Variants in MAP1B observed in about 807,000 individuals in gnomAD.
The protein encoded by MAP1B is microtubule associated protein 1B, also known as microtubule-associated protein 1B.
Under a neutral mutation model 176.1 loss-of-function variants are expected in MAP1B, and 12 were observed. The ratio of observed to expected loss-of-function variants is 0.07; its 90% confidence interval spans 0.04 to 0.11. MAP1B has a LOEUF of 0.11. Among genes scored for constraint, MAP1B ranks in the 10% least tolerant of loss-of-function variants. The pLI is 1.00. For missense variants in MAP1B, 2,523 were observed against 2,990.5 expected (o/e 0.84, Z 3.65); for synonymous variants, 1,044 against 1,135.0 (o/e 0.92, Z 1.61).
intron 2 of MAP1B, among the ~76,000 whole-genome samples, chr5:72,142,310 T>C (rs1745961695): frequency 6.6e-6 from 1 of 152,170 alleles, no homozygotes; most frequent in African/African-American, 2.4e-5. Context: ...GACTGGATTG[T>C]GCTATGGGAT....
intron 2 of MAP1B, among the ~76,000 whole-genome samples, chr5:72,183,322 G>T (rs1016066262): frequency 3.3e-5 from 5 of 152,142 alleles, no homozygotes; most frequent in African/African-American, 1.2e-4. Flanking sequence ...TCACAATAAG[G>T]CTCCTAATTA....
chr5:72,140,917 C>T (rs778941012), intron 2 of MAP1B, among the ~76,000 whole-genome samples: 9 of 152,176 alleles, frequency 5.9e-5, no homozygotes, highest in African/African-American at 9.7e-5. Flanking sequence ...AAAGGATCAC[C>T]GCCCAATAAA....
chr5:72,136,396 C>G (rs60857686), intron 2 of MAP1B, among the ~76,000 whole-genome samples: 4,378 of 152,230 alleles, frequency 0.029, 153 homozygotes, highest in African/African-American at 0.088. Context: ...GCCAGATACT[C>G]TTTTCCTGGG....
intron 2 of MAP1B, among the ~76,000 whole-genome samples, chr5:72,116,884 T>C (rs1306552862): frequency 6.6e-6 from 1 of 152,194 alleles, no homozygotes; most frequent in Admixed American, 6.5e-5. Flanking sequence ...TGTATATACA[T>C]TGATATTTGA....
In MAP1B at chr5:72,198,740, A is replaced by C. The variant is rs1747247567; in HGVS notation, c.5385A>C (p.Leu1795Phe). The C allele has an allele frequency of 1.9e-6, 3 of 1,614,026 alleles. No homozygotes were observed. The highest frequency in any genetic ancestry group is 2.5e-6 in the Non-Finnish European group (3 of 1,180,040). Residue 1795 changes from leucine to phenylalanine, a missense_variant, in exon 5 of 7, where the codon TTA (leucine) becomes TTC (phenylalanine). By Grantham distance (22) the Leu-to-Phe change is conservative. This residue lies in a region of MAP1B where 1,925 missense variants were observed against 2,126.0 expected (regional missense o/e 0.91). Coordinates refer to ENST00000296755, the MANE Select transcript of MAP1B (RefSeq NM_005909.5). ...TCACCCCACGAGAGTCCTCTCCTTT[A>C]TATTCACCTACTTTTTCAGATTCTA... ...SPLTPRESSP[L>F]YSPTFSDSTS...
At chr5:72,163,916 C>CTTTTTTTTTTTTTTT (rs796802217) in intron 2 of MAP1B, among the ~76,000 whole-genome samples, 2 of 97,102 alleles carry the variant, frequency 2.1e-5, no homozygotes, top group Non-Finnish European at 1.9e-5. Flanking sequence ...CTCTCTCTCT[C>CTTTTTTTTTTTTTTT]TTTTTTTTTT....
chr5:72,197,535 G>C lies in MAP1B; in HGVS notation c.4180G>C (p.Val1394Leu), dbSNP rs773247398. Residue 1394 changes from valine to leucine, a missense_variant, in exon 5 of 7, where the codon GTT becomes CTT. Val to Leu is a conservative substitution (Grantham distance 32). Coordinates refer to ENST00000296755, the MANE Select transcript of MAP1B (RefSeq NM_005909.5). ...TGACTCAGAGTCTCCTATTGAAAAAGTTTTGTCTCCTTTACGCAGCCCGCC... is the reference window on the plus strand; with the variant it reads ...TGACTCAGAGTCTCCTATTGAAAAACTTTTGTCTCCTTTACGCAGCCCGCC... ...VPDSESPIEK[V>L]LSPLRSPPLI... 1 of 1,614,160 alleles carries C rather than the reference G, an allele frequency of 6.2e-7. No homozygotes were observed. The highest frequency in any genetic ancestry group is 1.1e-5 in the South Asian group (1 of 91,084).
chr5:72,195,837 T>A lies in MAP1B; in HGVS notation c.2482T>A (p.Ser828Thr). ...TGCCAAAGAACTCGAAGCTGAGAGG[T>A]CCCTTATGTCATCTCCTGAGGATCT... ...GPAKELEAER[S>T]LMSSPEDLTK... The change falls in exon 5 of 7, where the codon TCC (serine) becomes ACC (threonine). Residue 828 changes from serine (S) to threonine (T), a missense_variant. Physicochemically the swap from Ser to Thr is moderately conservative, Grantham distance 58. Transcript: ENST00000296755. 1 of 1,614,104 alleles carries A rather than the reference T, an allele frequency of 6.2e-7. No homozygotes were observed. The highest frequency in any genetic ancestry group is 8.5e-7 in the Non-Finnish European group (1 of 1,180,020).
chr5:72,130,046 C>A (rs913440930), intron 2 of MAP1B, among the ~76,000 whole-genome samples: 1 of 151,838 alleles, frequency 6.6e-6, no homozygotes, highest in Non-Finnish European at 1.5e-5. Flanking sequence ...AGTCCTTTAG[C>A]CAGCAAATGG....
In MAP1B at chr5:72,196,802, T is replaced by C. The variant is rs1747181218; in HGVS notation, c.3447T>C (p.Asn1149=). Residue 1149 remains asparagine, a synonymous_variant, in exon 5 of 7, where the codon AAT becomes AAC. Transcript: ENST00000296755. This position sits in a 1 kb window ranked among gnomAD's most constrained non-coding sequence, Gnocchi z 5.3. The stretch of plus-strand genomic sequence containing the variant: ...ACGTGATGAGTGATGAGACCAACAA[T>C]GAAGAGACGGAGTCCCCTTCTCAGG... ...PRDVMSDETN[N]EETESPSQEF... is the part of the protein sequence containing the mutation. The C allele has an allele frequency of 6.2e-7, 1 of 1,614,056 alleles. No homozygotes were observed. Among genetic ancestry groups the C allele is most frequent in the Non-Finnish European group, 8.5e-7 (1 of 1,179,986 alleles).
At chr5:72,135,450 G>C (rs1429714461) in intron 2 of MAP1B, among the ~76,000 whole-genome samples, 1 of 152,132 alleles carries the variant, frequency 6.6e-6, no homozygotes, top group Non-Finnish European at 1.5e-5. Flanking sequence ...TGCAAGTACA[G>C]GTCAGGTAGC....
At chr5:72,190,523 G>A (rs1384724804) in intron 4 of MAP1B, among the ~76,000 whole-genome samples, 1 of 152,138 alleles carries the variant, frequency 6.6e-6, no homozygotes, top group Non-Finnish European at 1.5e-5. Flanking sequence ...AATTGACTTA[G>A]CCACCATCAT....
At chr5:72,172,297 C>T (rs1394412230) in intron 2 of MAP1B, among the ~76,000 whole-genome samples, 3 of 152,176 alleles carry the variant, frequency 2.0e-5, no homozygotes, top group East Asian at 3.8e-4. Context: ...TTGTCCCCCT[C>T]GCAGTTTTAC....
chr5:72,168,011 G>A (rs184384332), intron 2 of MAP1B, among the ~76,000 whole-genome samples: 19 of 152,378 alleles, frequency 1.2e-4, no homozygotes, highest in Non-Finnish European at 2.2e-4. Context: ...GCTGACGCAC[G>A]GAAAGCACTG....
chr5:72,108,927 C>T (rs1745234916), intron 1 of MAP1B, among the ~76,000 whole-genome samples: 1 of 152,236 alleles, frequency 6.6e-6, no homozygotes, highest in African/African-American at 2.4e-5. Context: ...CTCTATTCTC[C>T]TGGGGTGGTG....
At chr5:72,166,717 A>C (rs1259581219) in intron 2 of MAP1B, among the ~76,000 whole-genome samples, 1 of 152,200 alleles carries the variant, frequency 6.6e-6, no homozygotes, top group Non-Finnish European at 1.5e-5. Context: ...GAGGATGTGT[A>C]AAGGGAAATG....
chr5:72,176,495 G>A (rs1746656857), intron 2 of MAP1B, among the ~76,000 whole-genome samples: 1 of 152,132 alleles, frequency 6.6e-6, no homozygotes, highest in Non-Finnish European at 1.5e-5. Flanking sequence ...GATAATATTT[G>A]CCCCACTACT....
intron 5 of MAP1B, 27 bp downstream of exon 5, chr5:72,200,394 T>TA: frequency 6.2e-7 from 1 of 1,603,864 alleles, no homozygotes; most frequent in Non-Finnish European, 8.5e-7. Flanking sequence ...GGGCATTGGA[T>TA]ATATGTCACA....
At chr5:72,193,255 G>T (rs200896059) in intron 4 of MAP1B, 3 of 407,462 alleles carry the variant, frequency 7.4e-6, no homozygotes, top group East Asian at 1.4e-4. Context: ...ACCCACCAAG[G>T]TTTTTTCTTT....
Sources: allele counts gnomAD v4.1 joint callset (sites outside exome capture counted in the v4.1 genomes callset), GRCh38; gene constraint gnomAD v4.1.1; regional missense constraint gnomAD v4.1.1; non-coding constraint Gnocchi (gnomAD v3.1); transcripts MANE v1.5; gene names NCBI Gene and HGNC (gene_info 2026-07-23, HGNC 2026-07-21).